NTM: variants seen among roughly 807,000 people sequenced by gnomAD.
NTM encodes IgLON family member 2.
NTM carries 13 observed loss-of-function variants against 42.1 expected under a neutral mutation model. That is an observed-to-expected ratio of 0.31 (90% CI 0.20 to 0.49). The LOEUF is 0.49. Ranked by LOEUF, NTM falls within the 20% of genes least tolerant of loss-of-function variation. The pLI, the probability that NTM is intolerant of heterozygous loss-of-function variation, is 0.99. For missense variants in NTM, 373 were observed against 452.8 expected (o/e 0.82, Z 1.60); for synonymous variants, 187 against 179.2 (o/e 1.04, Z -0.35).
chr11:131,871,804 A>G (rs1489221483), intron 1 of NTM, among the ~76,000 whole-genome samples: 3 of 151,896 alleles, frequency 2.0e-5, no homozygotes, highest in Non-Finnish European at 4.4e-5. Flanking sequence ...TTCTTTCTGC[A>G]TTTGCCACTG....
intron 2 of NTM, among the ~76,000 whole-genome samples, chr11:131,994,768 C>G (rs1420816601): frequency 6.6e-6 from 1 of 152,160 alleles, no homozygotes; most frequent in Non-Finnish European, 1.5e-5. Flanking sequence ...ATCTATTTCT[C>G]CAGCTGCTGT....
chr11:131,882,604 T>C (rs954346423), intron 1 of NTM, among the ~76,000 whole-genome samples: 1 of 152,212 alleles, frequency 6.6e-6, no homozygotes, highest in Non-Finnish European at 1.5e-5. Flanking sequence ...TACTGCTCTC[T>C]TTACATTCGG....
At chr11:131,588,884 A>C (rs2059114645) in intron 1 of NTM, among the ~76,000 whole-genome samples, 1 of 152,216 alleles carries the variant, frequency 6.6e-6, no homozygotes, top group South Asian at 2.1e-4. Context: ...CTGTGAGCTC[A>C]TGTGCTGTGA....
intron 1 of NTM, among the ~76,000 whole-genome samples, chr11:131,677,667 C>T (rs2071667676): frequency 1.3e-5 from 2 of 152,088 alleles, no homozygotes; most frequent in Non-Finnish European, 2.9e-5. Flanking sequence ...CAAGAGAAGC[C>T]CAAATTCTCA....
chr11:131,692,709 C>A (rs1262426069), intron 1 of NTM, among the ~76,000 whole-genome samples: 3 of 152,154 alleles, frequency 2.0e-5, no homozygotes, highest in Non-Finnish European at 4.4e-5. Context: ...TAAAGGATGT[C>A]ACACAAATGC....
chr11:132,188,009 TAGCCCAGC>T (rs1398987702), intron 3 of NTM, among the ~76,000 whole-genome samples: 4 of 152,108 alleles, frequency 2.6e-5, no homozygotes, highest in Non-Finnish European at 5.9e-5. Flanking sequence ...AAAGATAAGC[TAGCCCAGC>T]AGCTCTGCAG....
At chr11:132,021,823 A>G (rs775776343) in intron 2 of NTM, among the ~76,000 whole-genome samples, 30 of 152,214 alleles carry the variant, frequency 2.0e-4, no homozygotes, top group Non-Finnish European at 4.0e-4. Context: ...CAAAGTGCGG[A>G]CCATTTCCAA....
chr11:132,105,121 A>G (rs2062189865), intron 2 of NTM, among the ~76,000 whole-genome samples: 1 of 151,132 alleles, frequency 6.6e-6, no homozygotes, highest in Non-Finnish European at 1.5e-5. Flanking sequence ...AGCTCACCCT[A>G]TCTGACCCAC....
rs78574522 is a variant in NTM at position 131,429,243 on chromosome 11, G to A, written c.82+58355G>A. Among the ~76,000 whole-genome samples, 284 of 152,244 alleles carry A rather than the reference G, an allele frequency of 1.9e-3. 3 individuals are homozygous for A. The highest frequency in any genetic ancestry group is 6.6e-3 in the African/African-American group (273 of 41,550). ...TCCCTAAGCCTCTCAGGAGAGAGAT[G>A]CCAAGGGAGGGGGTAGCTGCCTTGT... On this transcript the variant is annotated intron_variant, in intron 1 of 8. Transcript: ENST00000683400.
At chr11:132,188,597 G>A (rs2138202986) in intron 3 of NTM, among the ~76,000 whole-genome samples, 1 of 152,282 alleles carries the variant, frequency 6.6e-6, no homozygotes. Flanking sequence ...AGAGGTGGAT[G>A]TTACTGCAGA....
chr11:132,176,596 A>G (rs1228786786), intron 3 of NTM, among the ~76,000 whole-genome samples: 2 of 152,126 alleles, frequency 1.3e-5, no homozygotes, highest in Non-Finnish European at 2.9e-5. Context: ...TCAATAGGAC[A>G]CCAAGTATAG....
intron 1 of NTM, among the ~76,000 whole-genome samples, chr11:131,616,778 G>GGTGTGTGTGTGT (rs59890572): frequency 3.5e-5 from 5 of 141,880 alleles, no homozygotes; most frequent in African/African-American, 8.1e-5. Context: ...GTCTTGAGGG[G>GGTGTGTGTGTGT]GTGTGTGTGT....
chr11:131,758,326 C>T lies in NTM; in HGVS notation c.83-153238C>T, dbSNP rs115311609. On this transcript the variant is annotated intron_variant, in intron 1 of 8. Transcript: ENST00000683400. The stretch of plus-strand genomic sequence containing the variant: ...TGATGATGTGGGCTAGTGATATGGC[C>T]ATATTTCATTTCTGGCAAATGGATG... 8.6e-3 allele frequency among the ~76,000 whole-genome samples: 1,301 copies of T among 151,992 alleles called. 22 individuals carry two copies. Among genetic ancestry groups the T allele is most frequent in the African/African-American group, 0.029 (1,196 of 41,440 alleles).
chr11:131,846,247 T>C (rs1025973664), intron 1 of NTM, among the ~76,000 whole-genome samples: 2 of 152,200 alleles, frequency 1.3e-5, no homozygotes, highest in African/African-American at 4.8e-5. Flanking sequence ...ACCTTTTCTG[T>C]CTTTTTTCCT....
In NTM at chr11:131,503,254, A is replaced by G. The variant is rs115341747; in HGVS notation, c.82+132366A>G. The stretch of plus-strand genomic sequence containing the variant: ...TGGAGGACTATGCAATCCTGTGCAC[A>G]GGTAAGGGGCTGTCTGCAGGTAGAC... On this transcript the variant is annotated intron_variant, in intron 1 of 8. Transcript: ENST00000683400. Among the ~76,000 whole-genome samples, 704 of 152,284 alleles carry G rather than the reference A, an allele frequency of 4.6e-3. 6 individuals are homozygous for G. The highest frequency in any genetic ancestry group is 0.016 in the African/African-American group (674 of 41,556).
At chr11:132,112,371 A>G (rs1356345771) in intron 2 of NTM, among the ~76,000 whole-genome samples, 1 of 152,176 alleles carries the variant, frequency 6.6e-6, no homozygotes, top group Non-Finnish European at 1.5e-5. Flanking sequence ...AAAAATTTCT[A>G]AGGAAGAAAG....
chr11:132,197,201 C>T (rs2080363018), intron 3 of NTM, among the ~76,000 whole-genome samples: 3 of 152,188 alleles, frequency 2.0e-5, no homozygotes, highest in Middle Eastern at 6.8e-3. Context: ...GTGATAGCAT[C>T]AAGCCAAAGA....
intron 1 of NTM, chr11:131,771,662 G>C (rs989467138): frequency 3.3e-5 from 5 of 152,250 alleles, no homozygotes; most frequent in Admixed American, 1.3e-4. Flanking sequence ...CTGGATCTCA[G>C]TGTTCTCCTC....
At chr11:131,789,905 G>A (rs1361950409) in intron 1 of NTM, among the ~76,000 whole-genome samples, 9 of 133,130 alleles carry the variant, frequency 6.8e-5, no homozygotes, top group African/African-American at 1.1e-4. Flanking sequence ...GCAGTGAGCC[G>A]AGATCGCGCC....
Sources: gnomAD v4.1 joint callset for allele counts (sites outside exome capture counted in the v4.1 genomes callset) on GRCh38, gnomAD v4.1.1 for gene constraint, MANE v1.5 for transcripts, NCBI Gene and HGNC (gene_info 2026-07-23, HGNC 2026-07-21) for gene names.